The following UBN1 variants were observed in gnomAD, a reference collection of about 807,000 sequenced individuals.
UBN1 encodes ubinuclein 1, also known as ubinuclein-1.
A neutral mutation model predicts 108.5 loss-of-function variants in UBN1; 17 were observed. That is an observed-to-expected ratio of 0.16 (90% confidence interval 0.11 to 0.24). The LOEUF (loss-of-function observed/expected upper bound fraction) is 0.24. Ranked by LOEUF, UBN1 falls within the 10% of genes least tolerant of loss-of-function variation. The pLI, the probability that UBN1 is intolerant of heterozygous loss-of-function variation, is 1.00. For missense variants in UBN1, 1,595 were observed against 1,394.4 expected, an observed-to-expected ratio of 1.14 and a Z score of -2.29; for synonymous variants, 726 against 564.2, an observed-to-expected ratio of 1.29 and a Z score of -4.07.
chr16:4,850,469 C>G (rs532861324), intron 1 of UBN1, among the ~76,000 whole-genome samples: 5 of 152,144 alleles, frequency 3.3e-5, no homozygotes, highest in African/African-American at 9.7e-5. Flanking sequence ...GAGACTGTTC[C>G]GGTTCTATCA....
chr16:4,859,104 A>G lies in UBN1; in HGVS notation c.512A>G (p.Gln171Arg), dbSNP rs2086936149. The G allele has an allele frequency of 6.2e-7, 1 of 1,614,218 alleles. No homozygotes were observed. The change falls in exon 5 of 18, where the codon CAA becomes CGA. Residue 171 changes from glutamine to arginine, a missense_variant. Physicochemically the swap from Gln to Arg is conservative, Grantham distance 43. Around this residue, in one of 3 missense-constraint regions of UBN1, gnomAD observed 1,398 missense variants for 1,194.7 expected, o/e 1.17. Transcript: ENST00000262376. ...YINSGTLQFR[Q>R]ASESEDDFIK... ...AACTCGGGAACCCTGCAGTTTAGAC[A>G]AGCATCAGAGTCTGAAGATGACTTC...
At chr16:4,870,379 T>C in intron 9 of UBN1, 38 bp downstream of exon 9, 1 of 1,612,422 alleles carries the variant, frequency 6.2e-7, no homozygotes, top group Non-Finnish European at 8.5e-7. Flanking sequence ...GGCTTTGGGG[T>C]CCTGGCGGAG....
At chr16:4,866,467 C>T (rs913260848) in intron 7 of UBN1, among the ~76,000 whole-genome samples, 1 of 152,196 alleles carries the variant, frequency 6.6e-6, no homozygotes, top group African/African-American at 2.4e-5. Flanking sequence ...ATGTGACAGG[C>T]AGCCATGGGA....
Position 4,874,974 on chromosome 16 carries a change from A to G in UBN1, c.2564A>G (p.His855Arg), listed in dbSNP as rs1473223779. 10 of 1,614,166 alleles carry G rather than the reference A, an allele frequency of 6.2e-6. No homozygotes were observed. The highest frequency in any genetic ancestry group is 8.5e-6 in the Non-Finnish European group (10 of 1,180,040). The change falls in exon 15 of 18, where the codon CAT (histidine) becomes CGT (arginine). Residue 855 changes from histidine (H) to arginine (R), a missense_variant. This residue lies in a region of UBN1 where 1,398 missense variants were observed against 1,194.7 expected (regional missense o/e 1.17). Transcript: ENST00000262376. The part of the protein sequence containing the change: ...VKTAAKGQGF[H>R]PSAPATSGGL... Reference sequence around the variant, plus strand: ...ACAGCGGCCAAAGGCCAGGGCTTCCATCCCTCTGCACCAGCCACCTCAGGA... The same window carrying G: ...ACAGCGGCCAAAGGCCAGGGCTTCCGTCCCTCTGCACCAGCCACCTCAGGA...
chr16:4,870,383 G>T, intron 9 of UBN1, 42 bp downstream of exon 9: 1 of 1,612,230 alleles, frequency 6.2e-7, no homozygotes, highest in Non-Finnish European at 8.5e-7. Context: ...TTGGGGTCCT[G>T]GCGGAGGGGT....
intron 15 of UBN1, 135 bp downstream of exon 15, chr16:4,875,569 A>T: frequency 7.6e-7 from 1 of 1,307,492 alleles, no homozygotes; most frequent in Non-Finnish European, 1.0e-6. Context: ...AGACGTAGGA[A>T]GGGAGACTGG....
In UBN1 at chr16:4,871,266, C is replaced by A; in HGVS notation, c.1671C>A (p.Val557=). 1 of 1,614,226 alleles carries A rather than the reference C, an allele frequency of 6.2e-7. No individual in the cohort carries two copies. The highest frequency in any genetic ancestry group is 1.1e-5 in the South Asian group (1 of 91,082). The part of the protein sequence containing the change: ...DCVKGFLDAE[V]KPLWPKGWMQ... ...TGAAGGGCTTTCTGGATGCGGAAGT[C>A]AAGCCCCTCTGGCCCAAAGGCTGGA... Residue 557 remains valine (V), a synonymous_variant, in exon 12 of 18, where the codon GTC becomes GTA. Coordinates refer to ENST00000262376, the MANE Select transcript of UBN1 (RefSeq NM_001079514.3).
At position 4,863,615 on chromosome 16, in the gene UBN1, T is replaced by TC. The variant is rs562736874; in HGVS notation, c.1110+2520dup. Among the ~76,000 whole-genome samples the TC allele has an allele frequency of 2.6e-3, 391 of 152,024 alleles. 3 individuals carry two copies. The highest frequency in any genetic ancestry group is 9.2e-3 in the African/African-American group (380 of 41,456). ...ACTTTATTTTTTATACCCCTAATTT[T>TC]CCCCCCCTTTTCCCTCTATTATAAG... is the stretch of plus-strand genomic sequence containing the variant. On this transcript the variant is annotated intron_variant, in intron 7 of 17. Coordinates refer to ENST00000262376, the MANE Select transcript of UBN1 (RefSeq NM_001079514.3).
intron 1 of UBN1, among the ~76,000 whole-genome samples, chr16:4,850,249 C>G (rs907105089): frequency 1.4e-4 from 22 of 152,072 alleles, no homozygotes; most frequent in African/African-American, 4.3e-4. Context: ...TCCTGTAGTC[C>G]TATTTTTTAC....
In UBN1 at chr16:4,871,304, G is replaced by A; in HGVS notation, c.1706+3G>A. 1 of 1,613,666 alleles carries A rather than the reference G, an allele frequency of 6.2e-7. No individual in the cohort carries two copies. Among genetic ancestry groups the A allele is most frequent in the Non-Finnish European group, 8.5e-7 (1 of 1,179,896 alleles). On this transcript the variant is annotated splice_donor_region_variant and intron_variant, in intron 12 of 17. Coordinates refer to ENST00000262376, the MANE Select transcript of UBN1 (RefSeq NM_001079514.3). ...CCCAAAGGCTGGATGCAGGCCAGGT[G>A]AGGGCCGTGTGCTGAGATGGGCATC... is the stretch of plus-strand genomic sequence containing the variant.
rs553902291 is a variant in UBN1, at chr16:4,864,915, C to T, written c.1110+3813C>T. On this transcript the variant is annotated intron_variant, in intron 7 of 17. Transcript: ENST00000262376. ...TGATCTTTTTAAAAAAAATCATGCCCGATTTTCTCCTACTCAGCAAAAACA... is the reference window on the plus strand; with the variant it reads ...TGATCTTTTTAAAAAAAATCATGCCTGATTTTCTCCTACTCAGCAAAAACA... Among the ~76,000 whole-genome samples, 14 of 152,212 alleles carry T rather than the reference C, an allele frequency of 9.2e-5. No individual in the cohort carries two copies. In the East Asian group the frequency reaches 2.5e-3, roughly 27 times the overall value.
rs2087916671 is a variant in UBN1 at position 4,877,013 on chromosome 16, T to C, written c.3167T>C (p.Leu1056Pro). Residue 1056 changes from leucine to proline, a missense_variant, in exon 16 of 18, where the codon CTC (leucine) becomes CCC (proline). Coordinates refer to ENST00000262376, the MANE Select transcript of UBN1 (RefSeq NM_001079514.3). The surrounding 1 kb of genome is among the most constrained non-coding windows in gnomAD (Gnocchi z 4.3). ...ITPVPIPVHV[L>P]SFSADSSAKA... ...CCTGTCCCTATTCCTGTCCATGTGC[T>C]CTCCTTCAGCGCTGACTCCTCTGCC... is the stretch of plus-strand genomic sequence containing the variant. 1.2e-6 allele frequency: 2 copies of C among 1,614,132 alleles called. No homozygotes were observed. Among genetic ancestry groups the C allele is most frequent in the South Asian group, 2.2e-5 (2 of 91,074 alleles).
chr16:4,849,966 A>C lies in UBN1; in HGVS notation c.-40+1756A>C, dbSNP rs559145949. On this transcript the variant is annotated intron_variant, in intron 1 of 17. Transcript: ENST00000262376. ...CTGTCTCACAAAAAAAAAAAAAAAA[A>C]CCACAAAAAAAGCTAAAATCTTTCC... is the stretch of plus-strand genomic sequence containing the variant. 5.4e-3 allele frequency among the ~76,000 whole-genome samples: 787 copies of C among 145,104 alleles called. 57 individuals are homozygous for C. Among genetic ancestry groups the C allele is most frequent in the African/African-American group, 0.019 (743 of 39,020 alleles).
intron 1 of UBN1, among the ~76,000 whole-genome samples, chr16:4,850,980 A>G (rs550693154): frequency 6.6e-5 from 10 of 152,374 alleles, no homozygotes; most frequent in African/African-American, 1.9e-4. Flanking sequence ...AAACAGTGCA[A>G]TACTGATTAA....
rs1315787234 is a variant in UBN1, at chr16:4,877,431, C to T, written c.3312C>T (p.Leu1104=). ...CCAGCCCGCCCCATGCAGCGCCTCT[C>T]CCACACGCTGCGGTGCCCACCCATA... is the stretch of plus-strand genomic sequence containing the variant. ...LHSSPPHAAP[L]PHAAVPTHIP... is the part of the protein sequence containing the mutation. Residue 1104 remains leucine (L), a synonymous_variant, in exon 17 of 18, where the codon CTC becomes CTT. Coordinates refer to ENST00000262376, the MANE Select transcript of UBN1 (RefSeq NM_001079514.3). This position sits in a 1 kb window ranked among gnomAD's most constrained non-coding sequence, Gnocchi z 4.3. The T allele has an allele frequency of 1.9e-6, 3 of 1,612,676 alleles. No individual in the cohort carries two copies. Among genetic ancestry groups the T allele is most frequent in the Admixed American group, 1.7e-5 (1 of 59,948 alleles).
chr16:4,859,180 G>A (rs1285733370), intron 5 of UBN1, 21 bp downstream of exon 5: 2 of 1,606,780 alleles, frequency 1.2e-6, no homozygotes, highest in African/African-American at 2.7e-5. Context: ...GCTTGCTTTT[G>A]GATTTCAGAA....
In UBN1 at chr16:4,852,916, C is replaced by G; in HGVS notation, c.-2C>G. 1.2e-6 allele frequency: 2 copies of G among 1,612,230 alleles called. No homozygotes were observed. The highest frequency in any genetic ancestry group is 1.7e-6 in the Non-Finnish European group (2 of 1,178,592). ...GACACCCGCTAAGACTTGTTGGTAGCCATGTCGGAGCCCCACAGGGTCCAG... is the reference window on the plus strand; with the variant it reads ...GACACCCGCTAAGACTTGTTGGTAGGCATGTCGGAGCCCCACAGGGTCCAG... On this transcript the variant is annotated 5_prime_UTR_variant, in exon 2 of 18. Coordinates refer to ENST00000262376, the MANE Select transcript of UBN1 (RefSeq NM_001079514.3).
At chr16:4,879,585 C>T (rs1431947433) in intron 17 of UBN1, among the ~76,000 whole-genome samples, 6 of 152,210 alleles carry the variant, frequency 3.9e-5, no homozygotes, top group South Asian at 2.1e-4. Context: ...TAGGATGACA[C>T]GAGATGCGAG....
Position 4,877,255 on chromosome 16 carries a change from TG to T in UBN1, c.3266-129del. On this transcript the variant is annotated intron_variant, in intron 16 of 17. Transcript: ENST00000262376. This position sits in a 1 kb window ranked among gnomAD's most constrained non-coding sequence, Gnocchi z 4.3. ...TCCGGGAACTGTGCCAAGCCCCCAC[TG>T]CCCCTTTGGGTGTGGTGCCCAGACT... 1.3e-6 allele frequency: 2 copies of T among 1,508,964 alleles called. No homozygotes were observed. The highest frequency in any genetic ancestry group is 1.3e-5 in the South Asian group (1 of 77,312). The allele number at this position is 1,508,964 out of a possible 1,614,324, so 93.5% of individuals were successfully genotyped here.
Sources: gnomAD v4.1 joint callset for allele counts (sites outside exome capture counted in the v4.1 genomes callset) on GRCh38, gnomAD v4.1.1 for gene constraint, gnomAD v4.1.1 regional missense constraint, Gnocchi (gnomAD v3.1) non-coding constraint, MANE v1.5 for transcripts, NCBI Gene and HGNC (gene_info 2026-07-23, HGNC 2026-07-21) for gene names.